Variants in ADAMTSL3 observed in about 807,000 individuals in gnomAD.
ADAMTSL3 encodes the protein ADAMTS like 3.
ADAMTSL3 carries 128 observed loss-of-function variants against 201.7 expected under a neutral mutation model. The ratio of observed to expected loss-of-function variants is 0.63; its 90% CI spans 0.55 to 0.73. ADAMTSL3 has a LOEUF of 0.73. ADAMTSL3 is among the 30% of genes least tolerant of loss of function. ADAMTSL3 has a pLI of 0.00. For synonymous variants in ADAMTSL3, 738 were observed against 748.4 expected, an observed-to-expected ratio of 0.99 and a Z score of 0.23; for missense variants, 1,990 against 2,119.6, an observed-to-expected ratio of 0.94 and a Z score of 1.20.
chr15:83,694,633 G>A (rs2061655955), intron 2 of ADAMTSL3, among the ~76,000 whole-genome samples: 2 of 152,144 alleles, frequency 1.3e-5, no homozygotes, highest in Admixed American at 6.5e-5. Context: ...TATATTGGCA[G>A]GGCAAGGCTT....
intron 3 of ADAMTSL3, among the ~76,000 whole-genome samples, chr15:83,751,171 T>C (rs984392809): frequency 6.6e-6 from 1 of 152,132 alleles, no homozygotes; most frequent in African/African-American, 2.4e-5. Context: ...TTGAGGAAAA[T>C]TGAGCTGAAA....
At chr15:83,942,371 C>G (rs1166093144) in intron 17 of ADAMTSL3, among the ~76,000 whole-genome samples, 1 of 152,134 alleles carries the variant, frequency 6.6e-6, no homozygotes. Context: ...CTGGACTTTC[C>G]CAAATGGGAA....
chr15:83,759,158 T>C (rs533981565), intron 3 of ADAMTSL3, among the ~76,000 whole-genome samples: 1 of 152,286 alleles, frequency 6.6e-6, no homozygotes, highest in East Asian at 1.9e-4. Context: ...GTTAAGAGAC[T>C]AGTATAATAA....
intron 2 of ADAMTSL3, among the ~76,000 whole-genome samples, chr15:83,700,034 C>T (rs1210549029): frequency 6.6e-6 from 1 of 152,160 alleles, no homozygotes; most frequent in African/African-American, 2.4e-5. Context: ...AAATAGGAAC[C>T]TGATCTTTTT....
chr15:83,735,907 G>T (rs2062362956), intron 3 of ADAMTSL3, among the ~76,000 whole-genome samples: 1 of 152,032 alleles, frequency 6.6e-6, no homozygotes, highest in Non-Finnish European at 1.5e-5. Flanking sequence ...CTAATTACAT[G>T]ACAGAAGAGA....
intron 2 of ADAMTSL3, among the ~76,000 whole-genome samples, chr15:83,657,210 T>C (rs1485599771): frequency 1.2e-5 from 1 of 80,028 alleles, no homozygotes; most frequent in African/African-American, 6.3e-5. Flanking sequence ...GGCTGAGGCT[T>C]CAAGGCACAG....
chr15:83,868,344 A>G (rs1038395775), intron 8 of ADAMTSL3, among the ~76,000 whole-genome samples: 4 of 152,234 alleles, frequency 2.6e-5, no homozygotes, highest in Admixed American at 1.3e-4. Context: ...TCAATACATC[A>G]TCTGAATTGT....
At position 83,909,772 on chromosome 15, in the gene ADAMTSL3, G is replaced by C. The variant is rs182855410; in HGVS notation, c.1701-3320G>C. Among the ~76,000 whole-genome samples the C allele has an allele frequency of 7.5e-3, 1,140 of 152,116 alleles. 17 individuals are homozygous for C. Among genetic ancestry groups the C allele is most frequent in the African/African-American group, 0.026 (1,084 of 41,510 alleles). On this transcript the variant is annotated intron_variant, in intron 15 of 29. Transcript: ENST00000286744. Reference sequence around the variant, plus strand: ...TGGGATTACAGGCATGCACCACCATGCCTGGCTAATTTTTTGTATTTTTAG... The same window carrying C: ...TGGGATTACAGGCATGCACCACCATCCCTGGCTAATTTTTTGTATTTTTAG...
At chr15:83,773,847 C>G (rs560208473) in intron 4 of ADAMTSL3, among the ~76,000 whole-genome samples, 197 bp downstream of exon 4, 1 of 152,140 alleles carries the variant, frequency 6.6e-6, no homozygotes, top group African/African-American at 2.4e-5. Context: ...GGCCATGTTG[C>G]GCACAGGACC....
At chr15:83,855,821 T>C (rs932184843) in intron 7 of ADAMTSL3, among the ~76,000 whole-genome samples, 12 of 152,176 alleles carry the variant, frequency 7.9e-5, no homozygotes, top group African/African-American at 2.4e-4. Context: ...TTATCACTTT[T>C]GCTTGTTTGT....
intron 3 of ADAMTSL3, among the ~76,000 whole-genome samples, chr15:83,741,255 A>G (rs1183581429): frequency 1.3e-5 from 2 of 151,272 alleles, no homozygotes; most frequent in African/African-American, 4.8e-5. Context: ...ATATTAATAG[A>G]TGGAATCCCA....
At chr15:83,959,716 A>C (rs990684977) in intron 19 of ADAMTSL3, among the ~76,000 whole-genome samples, 2 of 152,252 alleles carry the variant, frequency 1.3e-5, no homozygotes, top group Non-Finnish European at 2.9e-5. Context: ...AGATGTCTAT[A>C]GAGGAAACCA....
At chr15:83,849,640 A>T (rs1030895136) in intron 7 of ADAMTSL3, among the ~76,000 whole-genome samples, 4 of 152,134 alleles carry the variant, frequency 2.6e-5, no homozygotes, top group Non-Finnish European at 5.9e-5. Context: ...CATCGCCTCC[A>T]GCTCCAGGTC....
chr15:83,749,070 C>G (rs1644230233), intron 3 of ADAMTSL3, among the ~76,000 whole-genome samples: 6 of 152,102 alleles, frequency 3.9e-5, no homozygotes, highest in Admixed American at 3.9e-4. Context: ...GCACAGCCCA[C>G]AAGAAACTCT....
chr15:83,756,835 T>A (rs2141689731), intron 3 of ADAMTSL3, among the ~76,000 whole-genome samples: 1 of 152,282 alleles, frequency 6.6e-6, no homozygotes, highest in African/African-American at 2.4e-5. Flanking sequence ...ATAGGAGGAA[T>A]TGGCCCAAAC....
chr15:83,783,564 T>C (rs2063211341), intron 4 of ADAMTSL3, among the ~76,000 whole-genome samples: 1 of 151,962 alleles, frequency 6.6e-6, no homozygotes, highest in South Asian at 2.1e-4. Context: ...AAAGCTATAA[T>C]GTGAACCAAA....
intron 6 of ADAMTSL3, among the ~76,000 whole-genome samples, chr15:83,825,226 T>C (rs960790886): frequency 2.0e-5 from 3 of 152,230 alleles, no homozygotes; most frequent in African/African-American, 7.2e-5. Context: ...CAAATGATAA[T>C]AGTAATCCTT....
At chr15:83,741,376 A>G (rs1017359810) in intron 3 of ADAMTSL3, among the ~76,000 whole-genome samples, 2 of 152,102 alleles carry the variant, frequency 1.3e-5, no homozygotes, top group African/African-American at 4.8e-5. Context: ...TCAGTCATTA[A>G]CAGATTGTGG....
At chr15:83,669,453 G>GTTTTTT (rs71156089) in intron 2 of ADAMTSL3, among the ~76,000 whole-genome samples, 3 of 56,924 alleles carry the variant, frequency 5.3e-5, no homozygotes, top group Non-Finnish European at 8.7e-5. Context: ...CGGGAGTGAG[G>GTTTTTT]TTTTTTTTTT....
Sources: allele counts gnomAD v4.1 joint callset (sites outside exome capture counted in the v4.1 genomes callset), GRCh38; gene constraint gnomAD v4.1.1; transcripts MANE v1.5; gene names NCBI Gene and HGNC (gene_info 2026-07-23, HGNC 2026-07-21).